The following KRTAP15-1 variants were observed in gnomAD, a reference collection of about 807,000 sequenced individuals.
KRTAP15-1 encodes keratin associated protein 15-1.
For missense variants in KRTAP15-1, 181 were observed against 156.8 expected (o/e 1.15, Z -0.83); for synonymous variants, 65 against 59.6 (o/e 1.09, Z -0.42).
Position 30,440,800 on chromosome 21 carries a change from G to T in KRTAP15-1, c.*59G>T. 12 of 1,475,854 alleles carry T rather than the reference G, an allele frequency of 8.1e-6. No homozygotes were observed. The highest frequency in any genetic ancestry group is 1.1e-5 in the Non-Finnish European group (12 of 1,082,544). The allele number at this position is 1,475,854 out of a possible 1,614,324, so 91.4% of individuals were successfully genotyped here. A position where few individuals can be genotyped will look rare whatever the true frequency, so the allele number is the denominator to read the frequency against. On this transcript the variant is annotated 3_prime_UTR_variant, in exon 1 of 1. Transcript: ENST00000334067. ...TACTGAATATTCTCCATTCTCTCATGATTATTTCTGTACTCTATGGAACTG... is the reference window on the plus strand; with the variant it reads ...TACTGAATATTCTCCATTCTCTCATTATTATTTCTGTACTCTATGGAACTG...
rs775143053 is a variant in KRTAP15-1 at position 30,440,348 on chromosome 21, T to G, written c.21T>G (p.Ser7=). The G allele has an allele frequency of 8.7e-6, 14 of 1,608,974 alleles. No homozygotes were observed. In the Admixed American group the frequency reaches 2.3e-4, roughly 27 times the overall value. The change falls in exon 1 of 1, where the codon TCT becomes TCG. Residue 7 remains serine (S), a synonymous_variant. Transcript: ENST00000334067. Reference sequence around the variant, plus strand: ...TTAACATGTCTTACAACTGCAGCTCTGGAAACTTCTCCTCCTGCTGTTTTG... The same window carrying G: ...TTAACATGTCTTACAACTGCAGCTCGGGAAACTTCTCCTCCTGCTGTTTTG... MSYNCS[S]GNFSSCCFGS...
chr21:30,440,593 C>T lies in KRTAP15-1; in HGVS notation c.266C>T (p.Thr89Ile), dbSNP rs1388863336. The change falls in exon 1 of 1, where the codon ACT becomes ATT. Residue 89 changes from threonine to isoleucine, a missense_variant. By Grantham distance (89) the Thr-to-Ile change is moderately conservative. Coordinates refer to ENST00000334067, the MANE Select transcript of KRTAP15-1 (RefSeq NM_181623.3). Reference protein sequence around the residue: ...KNSIFCSPRQTNYIRSLGCGN... With the variant: ...KNSIFCSPRQINYIRSLGCGN... ...TCCATCTTCTGCAGTCCCCGCCAGA[C>T]TAACTACATAAGATCCCTTGGATGT... 2 of 1,614,060 alleles carry T rather than the reference C, an allele frequency of 1.2e-6. No homozygotes were observed. Among genetic ancestry groups the T allele is most frequent in the Non-Finnish European group, 8.5e-7 (1 of 1,180,042 alleles).
chr21:30,440,687 C>T lies in KRTAP15-1; in HGVS notation c.360C>T (p.Ser120=), dbSNP rs752120859. Residue 120 remains serine (S), a synonymous_variant, in exon 1 of 1, where the codon AGC becomes AGT. Coordinates refer to ENST00000334067, the MANE Select transcript of KRTAP15-1 (RefSeq NM_181623.3). ...TCCAATCTCTGGACTGTGGGTCCAG[C>T]TTCTACCACCCAACTACCTTTTCAT... ...TGFQSLDCGS[S]FYHPTTFSSR... 6.2e-7 allele frequency: 1 copy of T among 1,614,102 alleles called. No individual in the cohort carries two copies. Among genetic ancestry groups the T allele is most frequent in the Admixed American group, 1.7e-5 (1 of 60,024 alleles).
Position 30,440,402 on chromosome 21 carries a change from T to C in KRTAP15-1, c.75T>C (p.Thr25=). The C allele has an allele frequency of 6.2e-7, 1 of 1,614,068 alleles. No individual in the cohort carries two copies. Among genetic ancestry groups the C allele is most frequent in the Non-Finnish European group, 8.5e-7 (1 of 1,179,954 alleles). The change falls in exon 1 of 1, where the codon ACT becomes ACC. Residue 25 remains threonine (T), a synonymous_variant. Coordinates refer to ENST00000334067, the MANE Select transcript of KRTAP15-1 (RefSeq NM_181623.3). ...FGSYLRYPVS[T]YNLFYPSNAI... ...GTTACCTGAGGTATCCAGTTTCCAC[T>C]TATAATTTGTTCTACCCCAGCAATG... is the stretch of plus-strand genomic sequence containing the variant.
At position 30,440,657 on chromosome 21, in the gene KRTAP15-1, T is replaced by C; in HGVS notation, c.330T>C (p.Thr110=). 1 of 1,613,716 alleles carries C rather than the reference T, an allele frequency of 6.2e-7. No homozygotes were observed. Among genetic ancestry groups the C allele is most frequent in the Non-Finnish European group, 8.5e-7 (1 of 1,179,558 alleles). Residue 110 remains threonine (T), a synonymous_variant, in exon 1 of 1, where the codon ACT becomes ACC. Transcript: ENST00000334067. ...TTGGATCTCTTGGTTGTGGAAGCAC[T>C]GGCTTCCAATCTCTGGACTGTGGGT... ...TGLGSLGCGS[T]GFQSLDCGSS...
In KRTAP15-1 at chr21:30,440,279, C is replaced by T; in HGVS notation, c.-49C>T. The T allele has an allele frequency of 4.1e-6, 6 of 1,480,432 alleles. No individual in the cohort carries two copies. Among genetic ancestry groups the T allele is most frequent in the Non-Finnish European group, 5.5e-6 (6 of 1,081,686 alleles). The allele number at this position is 1,480,432 out of a possible 1,614,324, so 91.7% of individuals were successfully genotyped here. On this transcript the variant is annotated 5_prime_UTR_variant, in exon 1 of 1. Coordinates refer to ENST00000334067, the MANE Select transcript of KRTAP15-1 (RefSeq NM_181623.3). ...TCCAGTATAGAAGGTAACATTCACA[C>T]ACACACGCTCCTCACTGCAAATCAC...
Position 30,440,696 on chromosome 21 carries a change from C to T in KRTAP15-1, c.369C>T (p.His123=). ...TGGACTGTGGGTCCAGCTTCTACCA[C>T]CCAACTACCTTTTCATCCAGGAATT... The part of the protein sequence containing the change: ...QSLDCGSSFY[H]PTTFSSRNFQ... Residue 123 remains histidine (H), a synonymous_variant, in exon 1 of 1, where the codon CAC becomes CAT. Coordinates refer to ENST00000334067, the MANE Select transcript of KRTAP15-1 (RefSeq NM_181623.3). 6 of 1,613,842 alleles carry T rather than the reference C, an allele frequency of 3.7e-6. No homozygotes were observed. Among genetic ancestry groups the T allele is most frequent in the African/African-American group, 1.3e-5 (1 of 75,032 alleles).
At position 30,440,733 on chromosome 21, in the gene KRTAP15-1, T is replaced by C; in HGVS notation, c.406T>C (p.Cys136Arg). 2 of 1,612,124 alleles carry C rather than the reference T, an allele frequency of 1.2e-6. No individual in the cohort carries two copies. The highest frequency in any genetic ancestry group is 1.7e-6 in the Non-Finnish European group (2 of 1,179,010). ...TFSSRNFQAT[C>R]Y is the part of the protein sequence containing the mutation. ...TTCATCCAGGAATTTCCAGGCAACT[T>C]GTTACTAACCAGCCTTTGGGTCTCG... The change falls in exon 1 of 1, where the codon TGT becomes CGT. Residue 136 changes from cysteine to arginine, a missense_variant. Coordinates refer to ENST00000334067, the MANE Select transcript of KRTAP15-1 (RefSeq NM_181623.3).
Sources: gnomAD v4.1 joint callset for allele counts on GRCh38, gnomAD v4.1.1 for gene constraint, MANE v1.5 for transcripts, NCBI Gene and HGNC (gene_info 2026-07-23, HGNC 2026-07-21) for gene names.